RICTOR: variants seen among roughly 807,000 people sequenced by gnomAD.
RICTOR encodes rapamycin-insensitive companion of mTOR.
A neutral mutation model predicts 214.9 loss-of-function variants in RICTOR; 49 were observed. The observed-to-expected ratio is 0.23, with a 90% CI of 0.18 to 0.29. RICTOR has a LOEUF of 0.29. Ranked by LOEUF, RICTOR falls within the 10% of genes least tolerant of loss-of-function variation. The pLI, the probability that RICTOR is intolerant of heterozygous loss-of-function variation, is 1.00. For synonymous variants in RICTOR, 717 were observed against 711.3 expected, an observed-to-expected ratio of 1.01 and a Z score of -0.13; for missense variants, 1,625 against 2,047.0, an observed-to-expected ratio of 0.79 and a Z score of 3.98.
At chr5:39,037,930 A>G (rs1369667067) in intron 2 of RICTOR, among the ~76,000 whole-genome samples, 2 of 152,190 alleles carry the variant, frequency 1.3e-5, no homozygotes, top group African/African-American at 4.8e-5. Flanking sequence ...AACTATTCCA[A>G]TCAATAGAAA....
In RICTOR at chr5:38,940,496, G is replaced by A. The variant is rs1379860981; in HGVS notation, c.*1808C>T. On this transcript the variant is annotated 3_prime_UTR_variant, in exon 38 of 38. Transcript: ENST00000357387. The stretch of plus-strand genomic sequence containing the variant: ...ACCAAAGACCACGATGACAGGCAAC[G>A]TTCTTAGAAGTACTGTTGACATTTA... 5 of 232,558 alleles carry A rather than the reference G, an allele frequency of 2.2e-5. No homozygotes were observed. The highest frequency in any genetic ancestry group is 4.3e-5 in the Non-Finnish European group (5 of 117,496). The allele number at this position is 232,558 out of a possible 1,614,324, so 14.4% of individuals were successfully genotyped here.
intron 2 of RICTOR, among the ~76,000 whole-genome samples, chr5:39,056,162 GA>G (rs1357663713): frequency 6.6e-6 from 1 of 152,154 alleles, no homozygotes; most frequent in East Asian, 1.9e-4. Flanking sequence ...ACACAAATTT[GA>G]GAGTCAATCA....
intron 32 of RICTOR, 138 bp from the exon 33 acceptor site, chr5:38,946,690 C>A: frequency 3.3e-6 from 2 of 602,112 alleles, no homozygotes; most frequent in Non-Finnish European, 5.9e-6. Flanking sequence ...ACTGAAGGTT[C>A]AACTACCAAA....
At chr5:39,049,227 G>A (rs1357815154) in intron 2 of RICTOR, among the ~76,000 whole-genome samples, 3 of 151,216 alleles carry the variant, frequency 2.0e-5, no homozygotes, top group South Asian at 2.1e-4. Context: ...AACAAATATA[G>A]GGCACAACCA....
At chr5:38,997,617 G>A (rs972131185) in intron 5 of RICTOR, among the ~76,000 whole-genome samples, 23 of 151,950 alleles carry the variant, frequency 1.5e-4, no homozygotes, top group African/African-American at 5.6e-4. Context: ...GAGATGAGAG[G>A]TTCTGACTGT....
intron 2 of RICTOR, among the ~76,000 whole-genome samples, chr5:39,073,803 C>T (rs1420061425): frequency 6.6e-6 from 1 of 152,198 alleles, no homozygotes; most frequent in Non-Finnish European, 1.5e-5. Context: ...AGGTGCAAAC[C>T]ACTCTGCCGG....
intron 11 of RICTOR, 22 bp from the exon 12 acceptor site, chr5:38,968,052 C>G: frequency 7.6e-7 from 1 of 1,307,364 alleles, no homozygotes; most frequent in Non-Finnish European, 1.1e-6. Context: ...AACAAATACA[C>G]CTCATTTATT....
rs1752745333 is a variant in RICTOR at position 38,991,130 on chromosome 5, C to T, written c.457-55G>A. 5 of 1,273,976 alleles carry T rather than the reference C, an allele frequency of 3.9e-6. No individual in the cohort carries two copies. The African/African-American group carries it at 6.0e-5, about 15-fold the overall frequency. The allele number at this position is 1,273,976 out of a possible 1,614,324, so 78.9% of individuals were successfully genotyped here. A position where few individuals can be genotyped will look rare whatever the true frequency, so the allele number is the denominator to read the frequency against. On this transcript the variant is annotated intron_variant, in intron 6 of 37. Transcript: ENST00000357387. Reference sequence around the variant, plus strand: ...TACTTTAGTAATACATTTCTTAAACCTATTTTGTCCAGACTGAAGTAGTTA... The same window carrying T: ...TACTTTAGTAATACATTTCTTAAACTTATTTTGTCCAGACTGAAGTAGTTA...
Position 38,996,845 on chromosome 5 carries a change from T to A in RICTOR, c.430A>T (p.Thr144Ser). Residue 144 changes from threonine (T) to serine (S), a missense_variant, in exon 6 of 38, where the codon ACA becomes TCA. Physicochemically the swap from Thr to Ser is moderately conservative, Grantham distance 58. This residue lies in a region of RICTOR where 258 missense variants were observed against 393.7 expected (regional missense o/e 0.66). Coordinates refer to ENST00000357387, the MANE Select transcript of RICTOR (RefSeq NM_152756.5). ...DIQQSNEVER[T>S]QALRLVRKMI... The stretch of plus-strand genomic sequence containing the variant: ...TTTCTGACTAATCGAAGTGCTTGTG[T>A]CCTCTCTACCTCGTTGCTCTGTTGT... The A allele has an allele frequency of 6.2e-7, 1 of 1,611,178 alleles. No homozygotes were observed. The highest frequency in any genetic ancestry group is 8.5e-7 in the Non-Finnish European group (1 of 1,177,622).
At chr5:39,035,012 GCCT>G (rs1388194667) in intron 2 of RICTOR, among the ~76,000 whole-genome samples, 1 of 152,236 alleles carries the variant, frequency 6.6e-6, no homozygotes, top group Non-Finnish European at 1.5e-5. Flanking sequence ...CGGGCAGACT[GCCT>G]CCTCAAGTGG....
chr5:38,944,233 G>C (rs1747924599), intron 36 of RICTOR: 1 of 629,590 alleles, frequency 1.6e-6, no homozygotes, highest in Non-Finnish European at 2.9e-6. Context: ...ATAGAAGATA[G>C]CTGGATTCTC....
chr5:38,944,815 A>T, intron 35 of RICTOR, 98 bp downstream of exon 35: 1 of 1,211,562 alleles, frequency 8.3e-7, no homozygotes, highest in Non-Finnish European at 1.2e-6. Context: ...TACTGTTTTG[A>T]GACAACTTTA....
At chr5:38,971,374 A>AT (rs772421728) in intron 11 of RICTOR, 3,229 of 91,828 alleles carry the variant, frequency 0.035, 56 homozygotes, top group African/African-American at 0.053. Flanking sequence ...AACAACAGCA[A>AT]TTTTTTTTTT....
chr5:39,064,791 T>C (rs1467453848), intron 2 of RICTOR, among the ~76,000 whole-genome samples: 1 of 152,240 alleles, frequency 6.6e-6, no homozygotes, highest in African/African-American at 2.4e-5. Flanking sequence ...CACAGTGATT[T>C]AACAAGGCTA....
At chr5:39,058,743 T>C (rs568597382) in intron 2 of RICTOR, among the ~76,000 whole-genome samples, 2 of 152,238 alleles carry the variant, frequency 1.3e-5, no homozygotes, top group East Asian at 1.9e-4. Flanking sequence ...ATCTTCCCTT[T>C]TTCTCTGTAG....
chr5:39,037,164 C>A (rs1756778611), intron 2 of RICTOR, among the ~76,000 whole-genome samples: 1 of 152,186 alleles, frequency 6.6e-6, no homozygotes, highest in African/African-American at 2.4e-5. Flanking sequence ...TTAAGAAACT[C>A]ACTCAAAACC....
chr5:39,061,805 A>C (rs911495605), intron 2 of RICTOR, among the ~76,000 whole-genome samples: 2 of 152,012 alleles, frequency 1.3e-5, no homozygotes, highest in Non-Finnish European at 2.9e-5. Context: ...TATGAAGAAC[A>C]ACCAGAATCT....
intron 7 of RICTOR, among the ~76,000 whole-genome samples, chr5:38,988,350 A>T (rs552297725): frequency 3.3e-5 from 5 of 152,122 alleles, no homozygotes; most frequent in Admixed American, 2.6e-4. Flanking sequence ...GGTCTCTAAG[A>T]ACTTGCTTTA....
At chr5:38,990,638 AC>A (rs1414586408) in intron 7 of RICTOR, among the ~76,000 whole-genome samples, 2 of 137,576 alleles carry the variant, frequency 1.5e-5, no homozygotes, top group Non-Finnish European at 3.1e-5. Flanking sequence ...TATATATCTG[AC>A]ATATATCAGA....
Sources: gnomAD v4.1 joint callset for allele counts (sites outside exome capture counted in the v4.1 genomes callset) on GRCh38, gnomAD v4.1.1 for gene constraint, gnomAD v4.1.1 regional missense constraint, MANE v1.5 for transcripts, NCBI Gene and HGNC (gene_info 2026-07-23, HGNC 2026-07-21) for gene names.